SUMF1: variants seen among roughly 807,000 people sequenced by gnomAD.
SUMF1 encodes sulfatase modifying factor 1.
SUMF1 carries 48 observed loss-of-function variants against 47.6 expected under a neutral mutation model. That is an observed-to-expected ratio of 1.01 (90% CI 0.80 to 1.28). The LOEUF is 1.28. SUMF1 is among the 50% of genes most tolerant of loss of function. The pLI is 0.00. For missense variants in SUMF1, 571 were observed against 485.4 expected, an observed-to-expected ratio of 1.18 and a Z score of -1.66; for synonymous variants, 230 against 192.1, an observed-to-expected ratio of 1.20 and a Z score of -1.63.
chr3:4,259,089 GA>G (rs1401586735), intron 8 of SUMF1, among the ~76,000 whole-genome samples: 1 of 142,598 alleles, frequency 7.0e-6, no homozygotes, highest in Non-Finnish European at 1.5e-5. Flanking sequence ...CAGGAAGGGG[GA>G]TATCACACTC....
At chr3:4,395,799 A>T (rs1271216447) in intron 7 of SUMF1, among the ~76,000 whole-genome samples, 2 of 152,234 alleles carry the variant, frequency 1.3e-5, no homozygotes, top group African/African-American at 4.8e-5. Flanking sequence ...CCCAAAGTCT[A>T]TGGTAACCGT....
intron 9 of SUMF1, among the ~76,000 whole-genome samples, chr3:4,057,255 G>T (rs1453567994): frequency 6.6e-6 from 1 of 152,132 alleles, no homozygotes; most frequent in Non-Finnish European, 1.5e-5. Context: ...AAATGAGCAA[G>T]GAGTCTGATG....
intron 8 of SUMF1, among the ~76,000 whole-genome samples, chr3:4,364,603 A>T (rs538543925): frequency 6.7e-6 from 1 of 150,320 alleles, no homozygotes; most frequent in East Asian, 2.0e-4. Flanking sequence ...GGTCTATTTG[A>T]TTCTTCTCTC....
chr3:4,112,983 T>C (rs940234160), intron 8 of SUMF1, among the ~76,000 whole-genome samples: 2 of 152,284 alleles, frequency 1.3e-5, no homozygotes. Flanking sequence ...GATGAGGTGT[T>C]CTGATCCCAT....
intron 2 of SUMF1, 104 bp from the exon 3 acceptor site, chr3:4,449,444 T>A (rs747694257): frequency 2.2e-5 from 25 of 1,151,118 alleles, no homozygotes; most frequent in Non-Finnish European, 3.3e-5. Context: ...CTTGTCCAAT[T>A]GAACTTGAGT....
chr3:4,292,534 G>A (rs1240420737), intron 8 of SUMF1, among the ~76,000 whole-genome samples: 2 of 152,200 alleles, frequency 1.3e-5, no homozygotes, highest in African/African-American at 4.8e-5. Context: ...TATTCCAAAG[G>A]ACACTGTCAA....
intron 8 of SUMF1, among the ~76,000 whole-genome samples, chr3:4,221,392 T>C (rs1463639266): frequency 6.7e-6 from 1 of 149,356 alleles, no homozygotes; most frequent in East Asian, 2.0e-4. Context: ...AAGCAGCAAA[T>C]GCTTTGGGTT....
intron 8 of SUMF1, among the ~76,000 whole-genome samples, chr3:4,157,503 AGTTTTATAT>A (rs1694481683): frequency 1.3e-5 from 2 of 151,488 alleles, no homozygotes; most frequent in African/African-American, 2.4e-5. Context: ...TTCTCTTCTT[AGTTTTATAT>A]CACAATATTT....
downstream of SUMF1, among the ~76,000 whole-genome samples, chr3:4,357,978 G>C (rs184162867): frequency 1.3e-5 from 2 of 152,038 alleles, no homozygotes; most frequent in Non-Finnish European, 2.9e-5. Flanking sequence ...ATCGACAATT[G>C]AGATGCTCTG....
chr3:4,176,087 G>C (rs1694953791), intron 8 of SUMF1, among the ~76,000 whole-genome samples: 1 of 152,186 alleles, frequency 6.6e-6, no homozygotes, highest in East Asian at 1.9e-4. Context: ...GTGATGGGGA[G>C]AGTGGAACCA....
At chr3:4,242,895 A>G (rs970368210) in intron 8 of SUMF1, among the ~76,000 whole-genome samples, 1 of 152,168 alleles carries the variant, frequency 6.6e-6, no homozygotes, top group South Asian at 2.1e-4. Context: ...GTGTGAATCC[A>G]TCTGGTCCTG....
chr3:4,188,674 T>G (rs1475013193), intron 8 of SUMF1, among the ~76,000 whole-genome samples: 1 of 152,128 alleles, frequency 6.6e-6, no homozygotes, highest in African/African-American at 2.4e-5. Context: ...TTTTGGCTCA[T>G]CTTTTAGTGC....
At position 4,177,951 on chromosome 3, in the gene SUMF1, T is replaced by A. The variant is rs938024102; in HGVS notation, c.1015-109206A>T. Among the ~76,000 whole-genome samples, 19 of 152,062 alleles carry A rather than the reference T, an allele frequency of 1.2e-4. 1 individual carries two copies. The highest frequency in any genetic ancestry group is 4.6e-4 in the African/African-American group (19 of 41,382). On this transcript the variant is annotated intron_variant and NMD_transcript_variant, in intron 8 of 12. Transcript: ENST00000448413. ...AACTAGAAAATCTAGAAGAAATGGA[T>A]AAATTCCTGGACACATACACCTGCT...
chr3:4,442,313 T>C (rs1039177369), intron 3 of SUMF1, among the ~76,000 whole-genome samples: 2 of 149,338 alleles, frequency 1.3e-5, no homozygotes, highest in Non-Finnish European at 3.0e-5. Context: ...TGGAGTGCGG[T>C]GGCGCGATCT....
chr3:4,327,600 A>G (rs757135750), intron 8 of SUMF1, among the ~76,000 whole-genome samples: 1 of 151,734 alleles, frequency 6.6e-6, no homozygotes, highest in Non-Finnish European at 1.5e-5. Flanking sequence ...AGACAGCAGA[A>G]TTATAGGAAT....
intron 8 of SUMF1, among the ~76,000 whole-genome samples, chr3:4,209,180 ATAT>A (rs1695720555): frequency 6.6e-6 from 1 of 152,184 alleles, no homozygotes; most frequent in East Asian, 1.9e-4. Context: ...GGTACCTATT[ATAT>A]ACGTGCTGCT....
chr3:4,158,483 A>C (rs907552245), intron 8 of SUMF1, among the ~76,000 whole-genome samples: 3 of 151,518 alleles, frequency 2.0e-5, no homozygotes, highest in African/African-American at 7.3e-5. Context: ...TATAAGTACA[A>C]ATTAAGTACA....
In SUMF1 at chr3:4,339,611, A is replaced by C. The variant is rs528506425; in HGVS notation, c.1014+36719T>G. Among the ~76,000 whole-genome samples, 29 of 152,226 alleles carry C rather than the reference A, an allele frequency of 1.9e-4. No individual in the cohort carries two copies. The South Asian group carries it at 6.0e-3, about 32-fold the overall frequency. ...GATTTCTGCATCAACCAGTCAGTGG[A>C]TGTAGACTGCCCCCTGGAAAGAGGT... On this transcript the variant is annotated intron_variant and NMD_transcript_variant, in intron 8 of 12. Transcript: ENST00000448413.
chr3:4,280,814 C>CGTGTGTGTGTGTGT (rs56919301), intron 8 of SUMF1, among the ~76,000 whole-genome samples: 10 of 138,126 alleles, frequency 7.2e-5, no homozygotes, highest in East Asian at 2.4e-4. Flanking sequence ...TGGCATTCAC[C>CGTGTGTGTGTGTGT]GTGTGTGTGT....
Sources: allele counts gnomAD v4.1 joint callset (sites outside exome capture counted in the v4.1 genomes callset), GRCh38; gene constraint gnomAD v4.1.1; transcripts MANE v1.5; gene names NCBI Gene and HGNC (gene_info 2026-07-23, HGNC 2026-07-21).